SCML4: variants seen among roughly 807,000 people sequenced by gnomAD.
SCML4 encodes the protein sex comb on midleg-like protein 4.
A neutral mutation model predicts 41.1 loss-of-function variants in SCML4; 34 were observed. The observed-to-expected ratio is 0.83, with a 90% CI of 0.63 to 1.10. The LOEUF (loss-of-function observed/expected upper bound fraction) is 1.10, where lower values mean the gene tolerates loss of function less well. Ranked by LOEUF, SCML4 falls within the 50% of genes least tolerant of loss-of-function variation. The probability of loss-of-function intolerance (pLI) is 0.00; values close to 1 mark genes in which losing one functional copy is unlikely to be tolerated. For synonymous variants in SCML4, 214 were observed against 220.9 expected (o/e 0.97, Z 0.28); for missense variants, 522 against 534.1 (o/e 0.98, Z 0.22).
At chr6:107,834,859 C>T in the SCML4 span, among the ~76,000 whole-genome samples, 363 of 151,028 alleles carry the variant, frequency 2.4e-3, 7 homozygotes, top group East Asian at 0.031. Context: ...GTGGGCAGAT[C>T]GCCAGGAGGT....
At chr6:107,807,171 GA>G (rs1345787576) in intron 1 of SCML4, among the ~76,000 whole-genome samples, 1 of 151,364 alleles carries the variant, frequency 6.6e-6, no homozygotes, top group African/African-American at 2.4e-5. Context: ...GCCAGATGAT[GA>G]AAAGGTAGCA....
At chr6:107,812,810 C>T (rs1784251195) in intron 1 of SCML4, among the ~76,000 whole-genome samples, 1 of 151,638 alleles carries the variant, frequency 6.6e-6, no homozygotes, top group Admixed American at 6.6e-5. Context: ...AATCACAGAT[C>T]TCGGGACTTC....
In SCML4 at chr6:107,772,380, A is replaced by G. The variant is rs899078731; in HGVS notation, c.-53T>C. ...AGGTGACAAATCGCTCACAGGCAGA[A>G]GAGGTGCTAAGAATTAGTCCAGACA... On this transcript the variant is annotated 5_prime_UTR_variant, in exon 2 of 8. Transcript: ENST00000369020. The G allele has an allele frequency of 8.8e-6, 13 of 1,485,494 alleles. No individual in the cohort carries two copies. Among genetic ancestry groups the G allele is most frequent in the African/African-American group, 2.8e-5 (2 of 71,176 alleles). 92.0% of individuals were successfully genotyped at this position (1,485,494 alleles called of 1,614,324 possible).
At chr6:107,815,741 T>A (rs1021905227) in intron 1 of SCML4, among the ~76,000 whole-genome samples, 14 of 152,218 alleles carry the variant, frequency 9.2e-5, no homozygotes, top group African/African-American at 3.1e-4. Context: ...AGTTATGACA[T>A]TATATTAATT....
At chr6:107,759,551 G>A (rs1296787571) in intron 2 of SCML4, among the ~76,000 whole-genome samples, 4 of 152,138 alleles carry the variant, frequency 2.6e-5, no homozygotes, top group Non-Finnish European at 5.9e-5. Context: ...TGACGGGTGA[G>A]AGAAAGCACA....
the SCML4 span, among the ~76,000 whole-genome samples, chr6:107,833,807 T>C: frequency 6.6e-6 from 1 of 152,210 alleles, no homozygotes; most frequent in Non-Finnish European, 1.5e-5. Flanking sequence ...ACTGGCTCAG[T>C]GCAGGGATTC....
At chr6:107,839,448 GAAAGA>G in the SCML4 span, among the ~76,000 whole-genome samples, 1 of 151,780 alleles carries the variant, frequency 6.6e-6, no homozygotes. Flanking sequence ...AAAAGAATAG[GAAAGA>G]AAAGAAAAGA....
chr6:107,778,679 A>G (rs1781232489), intron 1 of SCML4, among the ~76,000 whole-genome samples: 1 of 152,184 alleles, frequency 6.6e-6, no homozygotes, highest in Non-Finnish European at 1.5e-5. Flanking sequence ...GGTCCTGGCG[A>G]ATCATGCTTC....
chr6:107,786,761 G>A (rs1227915940), intron 1 of SCML4, among the ~76,000 whole-genome samples: 3 of 152,138 alleles, frequency 2.0e-5, no homozygotes, highest in Non-Finnish European at 4.4e-5. Context: ...CCAGCCCAGG[G>A]TACTTGTCTT....
chr6:107,745,115 G>C lies in SCML4; in HGVS notation c.516C>G (p.His172Gln), dbSNP rs540821140. ...TGTTCACCACAGGCAGGCTCCGCAG[G>C]TGCTGTTTGCCATCAAAGGAAGCCG... ...SVSASFDGKQHLRSLPVVNSI... is the reference protein window; with the variant it reads ...SVSASFDGKQQLRSLPVVNSI... The change falls in exon 5 of 8, where the codon CAC (histidine) becomes CAG (glutamine). Residue 172 changes from histidine to glutamine, a missense_variant. His to Gln is a conservative substitution (Grantham distance 24). Transcript: ENST00000369020. 6.3e-7 allele frequency: 1 copy of C among 1,597,058 alleles called. No individual in the cohort carries two copies. The highest frequency in any genetic ancestry group is 2.3e-5 in the East Asian group (1 of 44,014).
upstream of SCML4, among the ~76,000 whole-genome samples, chr6:107,826,880 G>A (rs962048502): frequency 2.6e-5 from 4 of 151,474 alleles, no homozygotes; most frequent in East Asian, 1.9e-4. Context: ...TGGCTAACAC[G>A]GTGAAACCCC....
intron 1 of SCML4, among the ~76,000 whole-genome samples, chr6:107,804,659 C>T (rs1412073618): frequency 6.6e-6 from 1 of 152,036 alleles, no homozygotes; most frequent in African/African-American, 2.4e-5. Context: ...ATCCAGTTGT[C>T]CCTTTTTAAA....
intron 1 of SCML4, among the ~76,000 whole-genome samples, chr6:107,818,247 C>A (rs79759341): frequency 6.6e-6 from 1 of 152,232 alleles, no homozygotes; most frequent in African/African-American, 2.4e-5. Flanking sequence ...AGGGGCAGTG[C>A]GCAGATGGCT....
intron 7 of SCML4, 149 bp from the exon 8 acceptor site, chr6:107,705,474 T>C (rs1562158964): frequency 5.9e-6 from 4 of 679,672 alleles, no homozygotes; most frequent in Non-Finnish European, 9.7e-6. Flanking sequence ...GGCAAGGTCT[T>C]TTAAAATATT....
chr6:107,770,874 G>A (rs993774719), intron 2 of SCML4, among the ~76,000 whole-genome samples: 1 of 152,144 alleles, frequency 6.6e-6, no homozygotes, highest in African/African-American at 2.4e-5. Flanking sequence ...GGATTTGCTC[G>A]ATGCATCTAT....
intron 5 of SCML4, among the ~76,000 whole-genome samples, chr6:107,731,414 C>T (rs1776529203): frequency 6.6e-6 from 1 of 152,202 alleles, no homozygotes; most frequent in Admixed American, 6.5e-5. Flanking sequence ...GCAATAAGAA[C>T]CACAACATCT....
chr6:107,792,215 T>C (rs920833583), intron 1 of SCML4, among the ~76,000 whole-genome samples: 3 of 152,196 alleles, frequency 2.0e-5, no homozygotes, highest in African/African-American at 7.2e-5. Flanking sequence ...GTTGCATGAT[T>C]GATGACAGCA....
chr6:107,715,745 A>T (rs899466120), intron 6 of SCML4, among the ~76,000 whole-genome samples: 4 of 152,200 alleles, frequency 2.6e-5, no homozygotes, highest in African/African-American at 7.2e-5. Flanking sequence ...AAGTACCGCC[A>T]GAGAGAGAAG....
At chr6:107,834,759 A>G in the SCML4 span, among the ~76,000 whole-genome samples, 1 of 152,100 alleles carries the variant, frequency 6.6e-6, no homozygotes, top group Non-Finnish European at 1.5e-5. Flanking sequence ...CAGCCTAGGC[A>G]ACATGGTGAA....
Sources: gnomAD v4.1 joint callset for allele counts (sites outside exome capture counted in the v4.1 genomes callset) on GRCh38, gnomAD v4.1.1 for gene constraint, MANE v1.5 for transcripts, NCBI Gene and HGNC (gene_info 2026-07-23, HGNC 2026-07-21) for gene names.